The following HDAC9 variants were observed in gnomAD, a reference collection of about 807,000 sequenced individuals.
HDAC9 encodes MEF-2 interacting transcription repressor (MITR) protein.
In HDAC9, 41 loss-of-function variants were observed where a neutral mutation model predicts 139.4. That is an observed-to-expected ratio of 0.29 (90% CI 0.23 to 0.38). HDAC9 has a LOEUF of 0.38. HDAC9 is among the 10% of genes least tolerant of loss of function. HDAC9 has a pLI of 1.00. For missense variants in HDAC9, 1,147 were observed against 1,297.0 expected, an observed-to-expected ratio of 0.88 and a Z score of 1.78; for synonymous variants, 517 against 476.2, an observed-to-expected ratio of 1.09 and a Z score of -1.12.
At chr7:18,914,036 G>A (rs1802970054) in intron 22 of HDAC9, among the ~76,000 whole-genome samples, 1 of 151,924 alleles carries the variant, frequency 6.6e-6, no homozygotes, top group South Asian at 2.1e-4. Context: ...TAGGGCTTTT[G>A]AGAGCTAATT....
At chr7:18,788,508 A>T (rs1792012673) in intron 16 of HDAC9, among the ~76,000 whole-genome samples, 1 of 152,168 alleles carries the variant, frequency 6.6e-6, no homozygotes, top group Non-Finnish European at 1.5e-5. Flanking sequence ...TCATCCCAGC[A>T]TTTTGGGAGG....
At chr7:18,391,774 G>A (rs976797664) in intron 1 of HDAC9, among the ~76,000 whole-genome samples, 2 of 152,186 alleles carry the variant, frequency 1.3e-5, no homozygotes, top group Admixed American at 1.3e-4. Context: ...TTTTGGGCAA[G>A]TTACTTAATC....
At chr7:18,102,894 A>G (rs948268965) in intron 1 of HDAC9, among the ~76,000 whole-genome samples, 4 of 152,228 alleles carry the variant, frequency 2.6e-5, no homozygotes, top group African/African-American at 9.6e-5. Context: ...AGACTTTGCT[A>G]AGGATGCCAG....
intron 24 of HDAC9, among the ~76,000 whole-genome samples, chr7:18,975,376 C>G (rs1285140180): frequency 1.3e-5 from 2 of 152,192 alleles, no homozygotes; most frequent in African/African-American, 2.4e-5. Flanking sequence ...AATATTCCAA[C>G]TTCATTTTCT....
chr7:18,102,699 G>A (rs906639521), intron 1 of HDAC9, among the ~76,000 whole-genome samples: 1 of 152,164 alleles, frequency 6.6e-6, no homozygotes, highest in Non-Finnish European at 1.5e-5. Context: ...ATCCCTACAG[G>A]ATAGAGATGA....
At chr7:18,089,733 G>A (rs113707598) in intron 1 of HDAC9, among the ~76,000 whole-genome samples, 2,640 of 152,174 alleles carry the variant, frequency 0.017, 69 homozygotes, top group African/African-American at 0.061. Flanking sequence ...AGTGGGGAAG[G>A]TGCAGGTTAT....
chr7:18,887,408 T>G (rs10277107), intron 22 of HDAC9, among the ~76,000 whole-genome samples: 5,079 of 152,328 alleles, frequency 0.033, 171 homozygotes, highest in African/African-American at 0.089. Flanking sequence ...TCGGTTGATC[T>G]GCAGTTTGGG....
intron 13 of HDAC9, among the ~76,000 whole-genome samples, chr7:18,734,792 G>C (rs1363642363): frequency 1.3e-5 from 2 of 152,168 alleles, no homozygotes; most frequent in African/African-American, 2.4e-5. Flanking sequence ...TCTAGCTCTA[G>C]ATCCTTGAGG....
chr7:18,209,838 C>G (rs1791804987), intron 2 of HDAC9, among the ~76,000 whole-genome samples: 1 of 151,910 alleles, frequency 6.6e-6, no homozygotes, highest in Admixed American at 6.6e-5. Context: ...GTAGCTGGGA[C>G]TACGGGCGCC....
At chr7:18,165,893 C>G (rs1313169918) in intron 2 of HDAC9, among the ~76,000 whole-genome samples, 2 of 151,812 alleles carry the variant, frequency 1.3e-5, no homozygotes, top group Non-Finnish European at 2.9e-5. Context: ...TTGCGTCTAT[C>G]TAGGCCATCT....
intron 22 of HDAC9, among the ~76,000 whole-genome samples, chr7:18,926,245 G>A (rs1020667551): frequency 6.6e-6 from 1 of 152,116 alleles, no homozygotes; most frequent in African/African-American, 2.4e-5. Flanking sequence ...CTAGTCAGTA[G>A]ACTGAGGTGG....
chr7:18,910,212 T>C (rs1802623103), intron 22 of HDAC9, among the ~76,000 whole-genome samples: 1 of 152,070 alleles, frequency 6.6e-6, no homozygotes, highest in Admixed American at 6.6e-5. Flanking sequence ...TTTTTTACTT[T>C]CTGTGTCTTC....
intron 1 of HDAC9, among the ~76,000 whole-genome samples, chr7:18,312,578 G>C (rs917147931): frequency 1.3e-5 from 2 of 152,010 alleles, no homozygotes; most frequent in African/African-American, 4.8e-5. Context: ...TTGCAAGCCT[G>C]ATTATTTTAA....
chr7:18,795,656 G>A (rs1792735140), intron 17 of HDAC9, among the ~76,000 whole-genome samples: 1 of 152,220 alleles, frequency 6.6e-6, no homozygotes, highest in Non-Finnish European at 1.5e-5. Context: ...GACAGGTCAA[G>A]AGACTGAAGC....
chr7:18,274,017 C>CAT (rs1201361619), intron 2 of HDAC9, among the ~76,000 whole-genome samples: 1 of 152,022 alleles, frequency 6.6e-6, no homozygotes, highest in East Asian at 1.9e-4. Flanking sequence ...GAAAATTTCA[C>CAT]CTATATATGT....
intron 12 of HDAC9, among the ~76,000 whole-genome samples, chr7:18,707,871 GTGTGTA>G (rs1784056366): frequency 6.6e-6 from 1 of 151,658 alleles, no homozygotes; most frequent in African/African-American, 2.4e-5. Flanking sequence ...GTGTGTGTGT[GTGTGTA>G]TGCACGTGCA....
intron 22 of HDAC9, among the ~76,000 whole-genome samples, chr7:18,900,831 A>C (rs1194872121): frequency 6.6e-6 from 1 of 152,146 alleles, no homozygotes; most frequent in Admixed American, 6.6e-5. Flanking sequence ...CAACATGTGA[A>C]CAGTCTAGTG....
At chr7:18,402,552 G>A (rs952860511) in intron 1 of HDAC9, among the ~76,000 whole-genome samples, 1 of 152,152 alleles carries the variant, frequency 6.6e-6, no homozygotes, top group African/African-American at 2.4e-5. Flanking sequence ...GTTCATGGAG[G>A]GTTTTGATTG....
At chr7:18,365,272 T>A (rs1465643544) in intron 1 of HDAC9, among the ~76,000 whole-genome samples, 1 of 152,052 alleles carries the variant, frequency 6.6e-6, no homozygotes, top group Non-Finnish European at 1.5e-5. Flanking sequence ...AAATTTTAGA[T>A]CTAGTGTGAA....
Sources: allele counts gnomAD v4.1 joint callset (sites outside exome capture counted in the v4.1 genomes callset), GRCh38; gene constraint gnomAD v4.1.1; transcripts MANE v1.5; gene names NCBI Gene and HGNC (gene_info 2026-07-23, HGNC 2026-07-21).